CPLANE1: variants seen among roughly 807,000 people sequenced by gnomAD.
CPLANE1 encodes the protein ciliogenesis and planar polarity effector 1.
CPLANE1 carries 263 observed loss-of-function variants against 362.5 expected under a neutral mutation model. The observed-to-expected ratio is 0.73, with a 90% CI of 0.66 to 0.80. The LOEUF (loss-of-function observed/expected upper bound fraction) is 0.80. CPLANE1 is among the 30% of genes least tolerant of loss of function. The pLI is 0.00. For missense variants in CPLANE1, 3,461 were observed against 3,793.4 expected, an observed-to-expected ratio of 0.91 and a Z score of 2.30; for synonymous variants, 1,212 against 1,302.6, an observed-to-expected ratio of 0.93 and a Z score of 1.50.
At chr5:37,132,502 G>A (rs1268686650) in intron 46 of CPLANE1, among the ~76,000 whole-genome samples, 3 of 151,868 alleles carry the variant, frequency 2.0e-5, no homozygotes, top group South Asian at 2.1e-4. Context: ...CCGCCACCAC[G>A]CCCGGCTAAT....
chr5:37,087,086 G>A, the CPLANE1 span, among the ~76,000 whole-genome samples: 339 of 152,292 alleles, frequency 2.2e-3, 4 homozygotes, highest in African/African-American at 7.9e-3. Context: ...CTTAAGGCTA[G>A]TGGAGCCCGT....
chr5:37,191,282 T>C (rs1212361084), intron 21 of CPLANE1, among the ~76,000 whole-genome samples: 1 of 152,132 alleles, frequency 6.6e-6, no homozygotes, highest in Non-Finnish European at 1.5e-5. Flanking sequence ...CCTGTAATCG[T>C]AGCACTTCGG....
chr5:37,207,666 G>A (rs780012408), intron 16 of CPLANE1, among the ~76,000 whole-genome samples: 2 of 152,110 alleles, frequency 1.3e-5, no homozygotes, highest in African/African-American at 2.4e-5. Context: ...ATGGTTCTAC[G>A]ACTGATTATA....
Position 37,158,224 on chromosome 5 carries a change from C to G in CPLANE1, c.7812G>C (p.Leu2604Phe). The G allele has an allele frequency of 6.2e-7, 1 of 1,612,762 alleles. No homozygotes were observed. Among genetic ancestry groups the G allele is most frequent in the Non-Finnish European group, 8.5e-7 (1 of 1,179,300 alleles). Residue 2604 changes from leucine to phenylalanine, a missense_variant and splice_region_variant, in exon 39 of 53, where the codon TTG (leucine) becomes TTC (phenylalanine). Transcript: ENST00000651892. ...TAAAACTTCTGAATAAAACACAAACCAAGTTTGTTACTGTATGAGGTATTG... is the reference window on the plus strand; with the variant it reads ...TAAAACTTCTGAATAAAACACAAACGAAGTTTGTTACTGTATGAGGTATTG... ...SPSIPHTVTN[L>F]VGHTYINVID...
intron 9 of CPLANE1, among the ~76,000 whole-genome samples, chr5:37,229,115 G>A (rs957611357): frequency 6.6e-6 from 1 of 150,896 alleles, no homozygotes; most frequent in Non-Finnish European, 1.5e-5. Context: ...AGCTACTCAG[G>A]AGGCTGAGGC....
the CPLANE1 span, among the ~76,000 whole-genome samples, chr5:37,089,371 C>A: frequency 6.6e-6 from 1 of 152,154 alleles, no homozygotes; most frequent in Non-Finnish European, 1.5e-5. Context: ...GGTTACTCTG[C>A]AGACCCCTTT....
chr5:37,120,186 G>C (rs200628002), intron 50 of CPLANE1, 30 bp downstream of exon 50: 3 of 1,586,290 alleles, frequency 1.9e-6, no homozygotes, highest in East Asian at 2.3e-5. Flanking sequence ...GTCCAAATCA[G>C]ACAATTTATA....
At chr5:37,222,952 C>T (rs1311098319) in intron 14 of CPLANE1, among the ~76,000 whole-genome samples, 1 of 152,156 alleles carries the variant, frequency 6.6e-6, no homozygotes, top group Non-Finnish European at 1.5e-5. Context: ...TCTAAACAGC[C>T]TATTCTTATT....
intron 38 of CPLANE1, among the ~76,000 whole-genome samples, chr5:37,159,625 G>C (rs1175258078): frequency 6.6e-6 from 1 of 152,042 alleles, no homozygotes; most frequent in East Asian, 1.9e-4. Flanking sequence ...TTATCTTCTA[G>C]CACTGTATTT....
At chr5:37,094,793 T>C in the CPLANE1 span, among the ~76,000 whole-genome samples, 7 of 152,170 alleles carry the variant, frequency 4.6e-5, no homozygotes, top group African/African-American at 7.2e-5. Context: ...CATTCAAGGC[T>C]ACTATGAACA....
intron 50 of CPLANE1, among the ~76,000 whole-genome samples, chr5:37,119,734 C>A (rs182117629): frequency 6.6e-6 from 1 of 152,028 alleles, no homozygotes; most frequent in East Asian, 1.9e-4. Context: ...GCCTGTAATC[C>A]CAGCACTTTG....
intron 43 of CPLANE1, 40 bp from the exon 44 acceptor site, chr5:37,142,520 G>A: frequency 7.8e-7 from 1 of 1,281,964 alleles, no homozygotes; most frequent in Non-Finnish European, 1.0e-6. Context: ...TAAAATAGTA[G>A]AGGAAAAAAG....
At chr5:37,118,732 T>TC (rs945581343) in intron 50 of CPLANE1, among the ~76,000 whole-genome samples, 8 of 151,492 alleles carry the variant, frequency 5.3e-5, no homozygotes, top group Middle Eastern at 6.3e-3. Context: ...TTTTTTTTTT[T>TC]CAGACAGAGT....
Position 37,209,666 on chromosome 5 carries a change from A to C in CPLANE1, c.2921-3241T>G. The stretch of plus-strand genomic sequence containing the variant: ...TTTTCTTTCTAGAAAGTGGTTTGGC[A>C]AAAGAAAAGGTATTTACTATGCAGG... On this transcript the variant is annotated intron_variant, in intron 16 of 52. Coordinates refer to ENST00000651892, the MANE Select transcript of CPLANE1 (RefSeq NM_001384732.1). The surrounding 1 kb of genome is among the most constrained non-coding windows in gnomAD (Gnocchi z 4.6). 1 of 1,367,330 alleles carries C rather than the reference A, an allele frequency of 7.3e-7. No individual in the cohort carries two copies. Among genetic ancestry groups the C allele is most frequent in the East Asian group, 2.3e-5 (1 of 43,560 alleles). The allele number at this position is 1,367,330 out of a possible 1,614,324, so 84.7% of individuals were successfully genotyped here.
chr5:37,240,877 T>C (rs551940231), intron 6 of CPLANE1, among the ~76,000 whole-genome samples: 1 of 152,330 alleles, frequency 6.6e-6, no homozygotes, highest in Non-Finnish European at 1.5e-5. Flanking sequence ...TGGATAAACG[T>C]ATTTCTACAT....
rs371727527 is a variant in CPLANE1, at chr5:37,122,503, C to T, written c.8959-15G>A. On this transcript the variant is annotated splice_polypyrimidine_tract_variant and intron_variant, in intron 47 of 52. Transcript: ENST00000651892. Reference sequence around the variant, plus strand: ...GTCATGTAAAGCTGCATAAAAAATACCCAGTTGGTTCATTATTGTTCAATC... The same window carrying T: ...GTCATGTAAAGCTGCATAAAAAATATCCAGTTGGTTCATTATTGTTCAATC... The T allele has an allele frequency of 2.4e-5, 38 of 1,599,246 alleles. No homozygotes were observed. The highest frequency in any genetic ancestry group is 3.2e-5 in the Non-Finnish European group (37 of 1,170,918).
At chr5:37,133,148 C>G (rs145719569) in intron 46 of CPLANE1, among the ~76,000 whole-genome samples, 58 of 152,258 alleles carry the variant, frequency 3.8e-4, no homozygotes, top group African/African-American at 1.4e-3. Flanking sequence ...CATCTTTGTA[C>G]CAGTACCATG....
At chr5:37,167,620 T>C (rs1314895143) in intron 34 of CPLANE1, among the ~76,000 whole-genome samples, 2 of 152,072 alleles carry the variant, frequency 1.3e-5, no homozygotes, top group African/African-American at 4.8e-5. Flanking sequence ...CTACTAAAGA[T>C]ATAAAAAATT....
chr5:37,226,825 TTC>T lies in CPLANE1; in HGVS notation c.1768_1769del (p.Glu590LysfsTer28). ...WTIGISKTVT[E>X]KNLMLNYIVV... ...CTATGTAATTTAACATTAAATTTTT[TTC>T]TGTCACAGTTTTTGAAATTCCTATA... On this transcript the variant is annotated frameshift_variant, in exon 12 of 53. Coordinates refer to ENST00000651892, the MANE Select transcript of CPLANE1 (RefSeq NM_001384732.1). The T allele has an allele frequency of 6.4e-7, 1 of 1,550,420 alleles. No homozygotes were observed. The highest frequency in any genetic ancestry group is 1.4e-5 in the African/African-American group (1 of 73,098).
Sources: gnomAD v4.1 joint callset for allele counts (sites outside exome capture counted in the v4.1 genomes callset) on GRCh38, gnomAD v4.1.1 for gene constraint, Gnocchi (gnomAD v3.1) non-coding constraint, MANE v1.5 for transcripts, NCBI Gene and HGNC (gene_info 2026-07-23, HGNC 2026-07-21) for gene names.